Variants in LRP1B observed in about 807,000 individuals in gnomAD.
LRP1B encodes low-density lipoprotein receptor-related protein 1B.
Under a neutral mutation model 556.6 loss-of-function variants are expected in LRP1B, and 217 were observed. The ratio of observed to expected loss-of-function variants is 0.39; its 90% CI spans 0.35 to 0.44. The LOEUF (loss-of-function observed/expected upper bound fraction) is 0.44. Among genes scored for constraint, LRP1B ranks in the 20% least tolerant of loss-of-function variants. LRP1B has a pLI of 1.00. For missense variants in LRP1B, 5,053 were observed against 5,620.8 expected, an observed-to-expected ratio of 0.90 and a Z score of 3.23; for synonymous variants, 2,047 against 1,865.8, an observed-to-expected ratio of 1.10 and a Z score of -2.50.
At chr2:141,282,488 T>C (rs1339702433) in intron 3 of LRP1B, among the ~76,000 whole-genome samples, 1 of 150,630 alleles carries the variant, frequency 6.6e-6, no homozygotes, top group Admixed American at 6.7e-5. Context: ...TATATGTATA[T>C]GTATATGTAT....
intron 3 of LRP1B, among the ~76,000 whole-genome samples, chr2:141,392,510 G>A (rs1421741476): frequency 3.5e-5 from 5 of 141,920 alleles, no homozygotes; most frequent in African/African-American, 5.1e-5. Context: ...AAAACAGAAT[G>A]CATGGGGCAG....
intron 6 of LRP1B, among the ~76,000 whole-genome samples, chr2:141,223,769 A>G (rs1683134946): frequency 6.6e-6 from 1 of 152,180 alleles, no homozygotes; most frequent in African/African-American, 2.4e-5. Flanking sequence ...CCTGACAGAA[A>G]CAAGCAATGG....
intron 3 of LRP1B, among the ~76,000 whole-genome samples, chr2:141,414,366 C>T (rs913724425): frequency 6.9e-5 from 6 of 86,410 alleles, no homozygotes; most frequent in South Asian, 1.1e-3. Context: ...GGAGGAAGAG[C>T]GGAAAGGAGG....
chr2:140,872,567 A>G (rs1420499918), intron 25 of LRP1B, among the ~76,000 whole-genome samples: 1 of 151,786 alleles, frequency 6.6e-6, no homozygotes, highest in East Asian at 1.9e-4. Context: ...GTCTCTACCC[A>G]GAGTTCAAAG....
chr2:141,132,556 C>T (rs972789616), intron 7 of LRP1B, among the ~76,000 whole-genome samples: 5 of 151,850 alleles, frequency 3.3e-5, no homozygotes, highest in Non-Finnish European at 7.4e-5. Context: ...TCTTTTATGG[C>T]AACAAAACAG....
chr2:140,726,960 G>A (rs923495563), intron 35 of LRP1B, among the ~76,000 whole-genome samples: 2 of 151,790 alleles, frequency 1.3e-5, no homozygotes, highest in Non-Finnish European at 2.9e-5. Flanking sequence ...TATAGACAAG[G>A]GACTTCAAAG....
rs556968194 is a variant in LRP1B at position 141,770,160 on chromosome 2, C to CT, written c.205+40118dup. 8.7e-3 allele frequency among the ~76,000 whole-genome samples: 1,270 copies of CT among 146,812 alleles called. 19 individuals carry two copies. The highest frequency in any genetic ancestry group is 0.028 in the African/African-American group (1,108 of 40,230). ...TTTACCAGAAATGCTGGCTACTTTT[C>CT]TTTTTTTTTTTCACAATAGCTCTGT... On this transcript the variant is annotated intron_variant, in intron 2 of 90. Transcript: ENST00000389484.
intron 41 of LRP1B, among the ~76,000 whole-genome samples, chr2:140,646,925 C>T (rs899174620): frequency 3.3e-5 from 5 of 151,716 alleles, no homozygotes; most frequent in African/African-American, 1.2e-4. Context: ...TATTGTATAT[C>T]ATATATATAA....
At chr2:142,042,061 G>GT (rs1053212663) in intron 1 of LRP1B, among the ~76,000 whole-genome samples, 4 of 151,158 alleles carry the variant, frequency 2.6e-5, no homozygotes, top group African/African-American at 9.7e-5. Context: ...GTATTTATGC[G>GT]TTTTTTTCTG....
chr2:140,677,471 C>A (rs6740361), intron 41 of LRP1B, among the ~76,000 whole-genome samples: 135,560 of 151,704 alleles, frequency 0.89, 60,911 homozygotes, highest in Admixed American at 0.94. Flanking sequence ...AGAAAAAAAA[C>A]CATACACAAT....
chr2:141,013,725 C>A lies in LRP1B; in HGVS notation c.2211G>T (p.Glu737Asp). Residue 737 changes from glutamate (E) to aspartate (D), a missense_variant, in exon 14 of 91, where the codon GAG (glutamate) becomes GAT (aspartate). This residue lies in a region of LRP1B where 3,619 missense variants were observed against 3,931.9 expected (regional missense o/e 0.92). Coordinates refer to ENST00000389484, the MANE Select transcript of LRP1B (RefSeq NM_018557.3). ...THRKIVYSGR[E>D]LNHPFGLSHH... The stretch of plus-strand genomic sequence containing the variant: ...GCGACAGTCCGAAAGGGTGGTTCAA[C>A]TCTCTCCCACTGTAAACAATCTGTA... 6.3e-7 allele frequency: 1 copy of A among 1,584,752 alleles called. No homozygotes were observed. The highest frequency in any genetic ancestry group is 8.6e-7 in the Non-Finnish European group (1 of 1,167,094).
chr2:141,901,453 T>C (rs1362566574), intron 1 of LRP1B, among the ~76,000 whole-genome samples: 1 of 152,100 alleles, frequency 6.6e-6, no homozygotes. Context: ...ACTTTAGGTG[T>C]CAGTATAAAA....
chr2:140,255,413 A>G (rs1265634113), intron 86 of LRP1B, among the ~76,000 whole-genome samples: 1 of 152,222 alleles, frequency 6.6e-6, no homozygotes, highest in Non-Finnish European at 1.5e-5. Flanking sequence ...GGGGTGAGTC[A>G]TAAATATCTT....
chr2:141,951,631 A>C (rs1168060326), intron 1 of LRP1B, among the ~76,000 whole-genome samples: 1 of 152,204 alleles, frequency 6.6e-6, no homozygotes, highest in African/African-American at 2.4e-5. Context: ...AATTGCTGAA[A>C]CATTGGGATA....
At chr2:142,089,293 G>A (rs957125999) in intron 1 of LRP1B, among the ~76,000 whole-genome samples, 3 of 151,942 alleles carry the variant, frequency 2.0e-5, no homozygotes, top group African/African-American at 4.8e-5. Flanking sequence ...TATAAAACAC[G>A]GGCTACCCTC....
At chr2:140,607,628 TCTTTACAC>T (rs1190615273) in intron 41 of LRP1B, among the ~76,000 whole-genome samples, 1 of 48,218 alleles carries the variant, frequency 2.1e-5, no homozygotes, top group Non-Finnish European at 4.2e-5. Context: ...CGACCCCCTC[TCTTTACAC>T]ACACACACAC....
At chr2:142,031,330 A>ATTTTTT (rs560363480) in intron 1 of LRP1B, among the ~76,000 whole-genome samples, 1,483 of 116,906 alleles carry the variant, frequency 0.013, 73 homozygotes, top group African/African-American at 0.032. Flanking sequence ...GATTATACTT[A>ATTTTTT]TTTTTTTTTT....
chr2:141,616,950 G>T (rs930527329), intron 2 of LRP1B, among the ~76,000 whole-genome samples: 3 of 152,104 alleles, frequency 2.0e-5, no homozygotes, highest in Non-Finnish European at 4.4e-5. Flanking sequence ...TCAAAGAGCA[G>T]TCCTCTCCCC....
At chr2:141,739,734 A>G (rs1039919641) in intron 2 of LRP1B, among the ~76,000 whole-genome samples, 2 of 151,640 alleles carry the variant, frequency 1.3e-5, no homozygotes, top group Non-Finnish European at 2.9e-5. Flanking sequence ...ACCAATGAAT[A>G]AAAGATATGC....
Sources: allele counts gnomAD v4.1 joint callset (sites outside exome capture counted in the v4.1 genomes callset), GRCh38; gene constraint gnomAD v4.1.1; regional missense constraint gnomAD v4.1.1; transcripts MANE v1.5; gene names NCBI Gene and HGNC (gene_info 2026-07-23, HGNC 2026-07-21).